The following CAV3 variants were observed in gnomAD, a reference collection of about 807,000 sequenced individuals.
CAV3 encodes caveolin 3.
A neutral mutation model predicts 13.4 loss-of-function variants in CAV3; 10 were observed. The observed-to-expected ratio is 0.75, with a 90% confidence interval of 0.46 to 1.27. The LOEUF (loss-of-function observed/expected upper bound fraction) is 1.27, where lower values mean the gene tolerates loss of function less well. Ranked by LOEUF, CAV3 falls within the 50% of genes most tolerant of loss-of-function variation. The pLI is 0.00. For synonymous variants in CAV3, 90 were observed against 79.0 expected (o/e 1.14, Z -0.74); for missense variants, 162 against 194.0 (o/e 0.83, Z 0.98).
chr3:8,746,189 C>T lies in CAV3; in HGVS notation c.*322C>T, dbSNP rs1315201892. ...CATAAACCAGCACGCGGTTCCCACC[C>T]GGGGCCAACCTCTCCACGCGCACTC... On this transcript the variant is annotated 3_prime_UTR_variant, in exon 2 of 2. Coordinates refer to ENST00000343849, the MANE Select transcript of CAV3 (RefSeq NM_033337.3). 4 of 261,260 alleles carry T rather than the reference C, an allele frequency of 1.5e-5. No individual in the cohort carries two copies. Among genetic ancestry groups the T allele is most frequent in the African/African-American group, 6.5e-5 (3 of 46,328 alleles). The allele number at this position is 261,260 out of a possible 1,614,324, so 16.2% of individuals were successfully genotyped here. A position where few individuals can be genotyped will look rare whatever the true frequency, so the allele number is the denominator to read the frequency against.
At chr3:8,739,459 C>A (rs1413098473) in intron 1 of CAV3, among the ~76,000 whole-genome samples, 9 of 144,142 alleles carry the variant, frequency 6.2e-5, no homozygotes, top group Admixed American at 6.8e-5. Context: ...ACTAAAAATA[C>A]AAAAAAAAAA....
At chr3:8,740,868 T>G (rs1412600286) in intron 1 of CAV3, among the ~76,000 whole-genome samples, 1 of 152,238 alleles carries the variant, frequency 6.6e-6, no homozygotes, top group African/African-American at 2.4e-5. Context: ...CCTCAGGCCC[T>G]GCTGGGGTAT....
chr3:8,738,543 G>C (rs1472210772), intron 1 of CAV3, among the ~76,000 whole-genome samples: 1 of 152,188 alleles, frequency 6.6e-6, no homozygotes. Context: ...ATGAGTGCCA[G>C]GTTAGGTGTC....
intron 1 of CAV3, among the ~76,000 whole-genome samples, chr3:8,735,218 G>A (rs1365376621): frequency 2.6e-5 from 4 of 152,182 alleles, no homozygotes; most frequent in African/African-American, 7.2e-5. Flanking sequence ...TTTAAAATGC[G>A]AAAGCAAACA....
intron 1 of CAV3, among the ~76,000 whole-genome samples, chr3:8,741,365 T>C (rs1052485488): frequency 6.6e-6 from 1 of 152,218 alleles, no homozygotes; most frequent in African/African-American, 2.4e-5. Context: ...TCAACTTCTA[T>C]AATTACCTTG....
intron 1 of CAV3, among the ~76,000 whole-genome samples, chr3:8,735,427 T>C (rs1289845889): frequency 6.6e-6 from 1 of 152,258 alleles, no homozygotes; most frequent in Non-Finnish European, 1.5e-5. Context: ...GTTCTGCATT[T>C]AGATTTCATA....
At chr3:8,740,871 T>C (rs1707934528) in intron 1 of CAV3, among the ~76,000 whole-genome samples, 1 of 152,226 alleles carries the variant, frequency 6.6e-6, no homozygotes, top group African/African-American at 2.4e-5. Flanking sequence ...CAGGCCCTGC[T>C]GGGGTATCTG....
chr3:8,739,784 T>G (rs920200731), intron 1 of CAV3, among the ~76,000 whole-genome samples: 3 of 152,194 alleles, frequency 2.0e-5, no homozygotes. Context: ...TTCCAAAACT[T>G]AATGGCTTAA....
At chr3:8,738,532 A>G (rs114131968) in intron 1 of CAV3, among the ~76,000 whole-genome samples, 176 of 152,310 alleles carry the variant, frequency 1.2e-3, no homozygotes, top group African/African-American at 3.6e-3. Context: ...GAACACCGTA[A>G]ATGAGTGCCA....
chr3:8,734,130 C>T, intron 1 of CAV3, 140 bp downstream of exon 1: 1 of 671,022 alleles, frequency 1.5e-6, no homozygotes. Flanking sequence ...TATCACCCCC[C>T]CAACCCCACC....
At chr3:8,738,033 C>T (rs958329777) in intron 1 of CAV3, among the ~76,000 whole-genome samples, 5 of 134,206 alleles carry the variant, frequency 3.7e-5, no homozygotes, top group Admixed American at 1.5e-4. Flanking sequence ...TCTCTCTCCT[C>T]TGTCTTCTCT....
intron 1 of CAV3, chr3:8,742,388 A>G: frequency 2.7e-6 from 1 of 366,926 alleles, no homozygotes; most frequent in South Asian, 2.0e-5. Flanking sequence ...GAAGAAGAAG[A>G]AGAAAGATAA....
intron 1 of CAV3, among the ~76,000 whole-genome samples, chr3:8,742,308 G>A (rs927543561): frequency 1.6e-4 from 24 of 147,262 alleles, no homozygotes; most frequent in Non-Finnish European, 3.4e-4. Flanking sequence ...AGCACCCAAA[G>A]GCAATCCCTG....
chr3:8,735,503 A>G (rs924924058), intron 1 of CAV3, among the ~76,000 whole-genome samples: 1 of 152,230 alleles, frequency 6.6e-6, no homozygotes, highest in Non-Finnish European at 1.5e-5. Flanking sequence ...AAATTTTTCA[A>G]TAATGAAATC....
intron 1 of CAV3, among the ~76,000 whole-genome samples, chr3:8,737,351 C>G (rs1707791456): frequency 6.6e-6 from 1 of 152,170 alleles, no homozygotes; most frequent in Non-Finnish European, 1.5e-5. Context: ...CCTTTGCCCT[C>G]TCTGGTCCCA....
In CAV3 at chr3:8,733,930, C is replaced by T. The variant is rs775054657; in HGVS notation, c.54C>T (p.His18=). The change falls in exon 1 of 2, where the codon CAC becomes CAT. Residue 18 remains histidine, a synonymous_variant. Coordinates refer to ENST00000343849, the MANE Select transcript of CAV3 (RefSeq NM_033337.3). ...AGGCCCAGATCGTCAAGGATATCCA[C>T]TGCAAGGAGATTGACCTGGTGAACC... ...DLEAQIVKDI[H]CKEIDLVNRD... 1 of 1,613,646 alleles carries T rather than the reference C, an allele frequency of 6.2e-7. No homozygotes were observed. Among genetic ancestry groups the T allele is most frequent in the South Asian group, 1.1e-5 (1 of 91,032 alleles).
At chr3:8,739,333 C>G (rs994252675) in intron 1 of CAV3, among the ~76,000 whole-genome samples, 1 of 152,076 alleles carries the variant, frequency 6.6e-6, no homozygotes, top group Non-Finnish European at 1.5e-5. Context: ...CATGCTCAGG[C>G]CAGGCACGGT....
chr3:8,745,148 G>C lies in CAV3; in HGVS notation c.115-378G>C, dbSNP rs1708110687. ...AGTGGGAGAGTTCTCATAAGATCTG[G>C]TTGTTGTAAAGTGTGGCACTCCACC... On this transcript the variant is annotated intron_variant, in intron 1 of 1. Coordinates refer to ENST00000343849, the MANE Select transcript of CAV3 (RefSeq NM_033337.3). This position sits in a 1 kb window ranked among gnomAD's most constrained non-coding sequence, Gnocchi z 4.8. 4.0e-6 allele frequency: 1 copy of C among 247,828 alleles called. No individual in the cohort carries two copies. Among genetic ancestry groups the C allele is most frequent in the East Asian group, 9.4e-5 (1 of 10,584 alleles). 15.4% of individuals were successfully genotyped at this position (247,828 alleles called of 1,614,324 possible). A position where few individuals can be genotyped will look rare whatever the true frequency, so the allele number is the denominator to read the frequency against.
At chr3:8,741,616 T>C (rs1308966778) in intron 1 of CAV3, among the ~76,000 whole-genome samples, 1 of 152,002 alleles carries the variant, frequency 6.6e-6, no homozygotes, top group Non-Finnish European at 1.5e-5. Context: ...ATACAGTAAC[T>C]CAATGGCCAG....
Sources: allele counts gnomAD v4.1 joint callset (sites outside exome capture counted in the v4.1 genomes callset), GRCh38; gene constraint gnomAD v4.1.1; non-coding constraint Gnocchi (gnomAD v3.1); transcripts MANE v1.5; gene names NCBI Gene and HGNC (gene_info 2026-07-23, HGNC 2026-07-21).